Variants in RASSF2 observed in about 807,000 individuals in gnomAD.
RASSF2 encodes Ras association domain family member 2, also known as ras association domain-containing protein 2.
Under a neutral mutation model 46.3 loss-of-function variants are expected in RASSF2, and 34 were observed. The ratio of observed to expected loss-of-function variants is 0.73; its 90% confidence interval spans 0.56 to 0.98. The LOEUF (loss-of-function observed/expected upper bound fraction) is 0.98. Ranked by LOEUF, RASSF2 falls within the 50% of genes least tolerant of loss-of-function variation. The pLI is 0.00. For synonymous variants in RASSF2, 158 were observed against 162.5 expected, an observed-to-expected ratio of 0.97 and a Z score of 0.21; for missense variants, 364 against 431.2, an observed-to-expected ratio of 0.84 and a Z score of 1.38.
Position 4,780,264 on chromosome 20 carries a change from C to T in RASSF2, c.*4009G>A, listed in dbSNP as rs374521497. ...AACAATTGGGAAAACCCTTCAGAAA[C>T]GCTAGCAATTACACACCAGAAACAT... On this transcript the variant is annotated 3_prime_UTR_variant, in exon 12 of 12. Coordinates refer to ENST00000379400, the MANE Select transcript of RASSF2 (RefSeq NM_014737.3). 1.6e-4 allele frequency: 24 copies of T among 152,270 alleles called. 1 individual carries two copies. Among genetic ancestry groups the T allele is most frequent in the Middle Eastern group, 6.8e-3 (2 of 294 alleles). The allele number at this position is 152,270 out of a possible 1,614,324, so 9.4% of individuals were successfully genotyped here.
Position 4,789,657 on chromosome 20 carries a change from A to T in RASSF2, c.578T>A (p.Val193Asp). The change falls in exon 8 of 12, where the codon GTC becomes GAC. Residue 193 changes from valine (V) to aspartate (D), a missense_variant. Coordinates refer to ENST00000379400, the MANE Select transcript of RASSF2 (RefSeq NM_014737.3). ...FTPAYGSVTN[V>D]RINSTMTTPQ... ...GGTGGTCATGGTGCTGTTGATGCGG[A>T]CGTTGGTGACAGAGCCATAGGCTGG... The T allele has an allele frequency of 6.2e-7, 1 of 1,614,034 alleles. No individual in the cohort carries two copies. The highest frequency in any genetic ancestry group is 8.5e-7 in the Non-Finnish European group (1 of 1,180,014).
At chr20:4,808,391 G>A (rs895680628) in intron 2 of RASSF2, among the ~76,000 whole-genome samples, 2 of 152,038 alleles carry the variant, frequency 1.3e-5, no homozygotes, top group African/African-American at 4.8e-5. Context: ...CCAGCATCTA[G>A]GCACAGAACT....
intron 2 of RASSF2, among the ~76,000 whole-genome samples, chr20:4,811,754 C>T (rs1927838082): frequency 6.6e-6 from 1 of 152,144 alleles, no homozygotes; most frequent in Non-Finnish European, 1.5e-5. Context: ...AAGCCAGAAC[C>T]CCAGCCCCAG....
chr20:4,792,256 A>ACGAGG (rs1454188992), intron 6 of RASSF2, among the ~76,000 whole-genome samples: 7 of 35,418 alleles, frequency 2.0e-4, no homozygotes, highest in Non-Finnish European at 3.6e-4. Context: ...GGAAGGGGAG[A>ACGAGG]GGAGGGGAGG....
chr20:4,820,434 C>T (rs905424656), intron 2 of RASSF2, among the ~76,000 whole-genome samples: 3 of 151,962 alleles, frequency 2.0e-5, no homozygotes, highest in Non-Finnish European at 4.4e-5. Context: ...TCGCTTGGGC[C>T]CAGGAGGTTG....
chr20:4,809,700 A>G (rs1247779440), intron 2 of RASSF2, among the ~76,000 whole-genome samples: 3 of 152,212 alleles, frequency 2.0e-5, no homozygotes, highest in Admixed American at 2.0e-4. Flanking sequence ...AGCCTGAAAG[A>G]AAGCATGTGA....
chr20:4,784,380 G>A, intron 11 of RASSF2, 38 bp from the exon 12 acceptor site: 5 of 1,592,350 alleles, frequency 3.1e-6, no homozygotes, highest in South Asian at 1.1e-5. Flanking sequence ...AGAGCAGCCA[G>A]CAACACACCC....
intron 4 of RASSF2, among the ~76,000 whole-genome samples, chr20:4,796,408 G>C (rs568276800): frequency 3.9e-5 from 6 of 152,302 alleles, no homozygotes; most frequent in Non-Finnish European, 8.8e-5. Context: ...CCTGGTGGTT[G>C]AAGGAAATTT....
rs1224450221 is a variant in RASSF2, at chr20:4,790,092, CA to C, written c.537+358del. Among the ~76,000 whole-genome samples the C allele has an allele frequency of 6.6e-6, 1 of 152,174 alleles. No homozygotes were observed. Among genetic ancestry groups the C allele is most frequent in the African/African-American group, 2.4e-5 (1 of 41,434 alleles). On this transcript the variant is annotated intron_variant, in intron 7 of 11. Coordinates refer to ENST00000379400, the MANE Select transcript of RASSF2 (RefSeq NM_014737.3). This position sits in a 1 kb window ranked among gnomAD's most constrained non-coding sequence, Gnocchi z 4.3. ...CAGCTCTGGGAAAAGCCAGACCATA[CA>C]CCAGCTGGGGGCACAGTGTGCAGGA...
At chr20:4,805,408 G>A (rs1308473442) in intron 2 of RASSF2, among the ~76,000 whole-genome samples, 1 of 152,066 alleles carries the variant, frequency 6.6e-6, no homozygotes, top group Non-Finnish European at 1.5e-5. Context: ...CTCACAAGCT[G>A]GGAAAGGCAA....
intron 6 of RASSF2, among the ~76,000 whole-genome samples, chr20:4,791,811 C>A (rs1349934685): frequency 6.6e-6 from 1 of 152,126 alleles, no homozygotes; most frequent in Non-Finnish European, 1.5e-5. Flanking sequence ...ATAAATTATC[C>A]TTTTTCCATA....
intron 3 of RASSF2, among the ~76,000 whole-genome samples, chr20:4,798,871 C>T (rs1926625651): frequency 6.9e-6 from 1 of 143,988 alleles, no homozygotes; most frequent in Non-Finnish European, 1.5e-5. Flanking sequence ...TGCAAACTCC[C>T]ATCAGCATCA....
rs995476277 is a variant in RASSF2 at position 4,812,049 on chromosome 20, G to A, written c.-33+10280C>T. Among the ~76,000 whole-genome samples the A allele has an allele frequency of 1.3e-5, 2 of 151,906 alleles. No homozygotes were observed. Among genetic ancestry groups the A allele is most frequent in the African/African-American group, 4.8e-5 (2 of 41,310 alleles). The stretch of plus-strand genomic sequence containing the variant: ...TAGTGGGGCAGGAAGCGGTGTGGAT[G>A]GCAAACAGGAAACCCCAGCCCCATT... On this transcript the variant is annotated intron_variant, in intron 2 of 11. Transcript: ENST00000379400. The surrounding 1 kb of genome is among the most constrained non-coding windows in gnomAD (Gnocchi z 4.0).
chr20:4,800,197 A>G (rs1264606867), intron 3 of RASSF2, among the ~76,000 whole-genome samples: 1 of 152,196 alleles, frequency 6.6e-6, no homozygotes, highest in Admixed American at 6.5e-5. Context: ...CACATTAGCA[A>G]AAAGCCTGAG....
Position 4,792,717 on chromosome 20 carries a change from AG to A in RASSF2, c.288-91del, listed in dbSNP as rs1379385742. On this transcript the variant is annotated intron_variant, in intron 5 of 11. Coordinates refer to ENST00000379400, the MANE Select transcript of RASSF2 (RefSeq NM_014737.3). ...GCACCCGCTGGACCCCACTCCTGAA[AG>A]GGGAGCACTTTGCTAGTGCCAGGCT... 6 of 1,502,500 alleles carry A rather than the reference AG, an allele frequency of 4.0e-6. 1 individual carries two copies. In the African/African-American group the frequency reaches 7.0e-5, roughly 17 times the overall value. 93.1% of individuals were successfully genotyped at this position (1,502,500 alleles called of 1,614,324 possible).
chr20:4,793,920 G>A (rs531717134), intron 5 of RASSF2, among the ~76,000 whole-genome samples: 1 of 152,174 alleles, frequency 6.6e-6, no homozygotes, highest in Non-Finnish European at 1.5e-5. Flanking sequence ...GCAGAGAAGG[G>A]AGAAGAAGCA....
intron 6 of RASSF2, among the ~76,000 whole-genome samples, chr20:4,791,366 T>G (rs1168185015): frequency 6.6e-6 from 1 of 152,172 alleles, no homozygotes; most frequent in African/African-American, 2.4e-5. Context: ...TTATGAGTGC[T>G]TTTAATACCA....
At chr20:4,791,725 G>A (rs1925892854) in intron 6 of RASSF2, among the ~76,000 whole-genome samples, 1 of 152,200 alleles carries the variant, frequency 6.6e-6, no homozygotes, top group Admixed American at 6.5e-5. Context: ...ACATGTATAA[G>A]GCCGCCGACT....
chr20:4,802,926 TGAGACA>T (rs1927017129), intron 2 of RASSF2, among the ~76,000 whole-genome samples: 1 of 147,848 alleles, frequency 6.8e-6, no homozygotes, highest in Admixed American at 6.8e-5. Flanking sequence ...TTTTTTTTTT[TGAGACA>T]GAGACTCACT....
Sources: gnomAD v4.1 joint callset for allele counts (sites outside exome capture counted in the v4.1 genomes callset) on GRCh38, gnomAD v4.1.1 for gene constraint, Gnocchi (gnomAD v3.1) non-coding constraint, MANE v1.5 for transcripts, NCBI Gene and HGNC (gene_info 2026-07-23, HGNC 2026-07-21) for gene names.